The following KAZN variants were observed in gnomAD, a reference collection of about 807,000 sequenced individuals.
KAZN encodes the protein kazrin, periplakin interacting protein.
In KAZN, 40 loss-of-function variants were observed where a neutral mutation model predicts 87.4. The observed-to-expected ratio is 0.46, with a 90% CI of 0.36 to 0.60. The LOEUF is 0.60. Ranked by LOEUF, KAZN falls within the 20% of genes least tolerant of loss-of-function variation. The pLI is 0.00. For missense variants in KAZN, 898 were observed against 1,073.9 expected (o/e 0.84, Z 2.29); for synonymous variants, 466 against 458.3 (o/e 1.02, Z -0.22).
intron 5 of KAZN, among the ~76,000 whole-genome samples, chr1:15,058,106 A>G (rs1324902657): frequency 1.3e-5 from 2 of 152,182 alleles, no homozygotes; most frequent in Non-Finnish European, 2.9e-5. Context: ...CCTGCGTCAT[A>G]GCACCTCTTA....
chr1:14,670,428 G>A (rs960296955), intron 1 of KAZN, among the ~76,000 whole-genome samples: 8 of 152,208 alleles, frequency 5.3e-5, no homozygotes, highest in African/African-American at 1.9e-4. Flanking sequence ...GCTGATTTAC[G>A]TTCCTAACAC....
chr1:14,846,650 C>T (rs570285927), intron 1 of KAZN, among the ~76,000 whole-genome samples: 38 of 152,336 alleles, frequency 2.5e-4, no homozygotes, highest in African/African-American at 9.1e-4. Context: ...TCTTTTCTAT[C>T]TGTCATCTCC....
At chr1:14,479,485 T>C (rs1668951166) in intron 2 of KAZN, among the ~76,000 whole-genome samples, 1 of 152,190 alleles carries the variant, frequency 6.6e-6, no homozygotes, top group African/African-American at 2.4e-5. Context: ...CGCTCCCTGC[T>C]AGTGGTTTGC....
chr1:14,671,017 G>T (rs1378499240), intron 1 of KAZN, among the ~76,000 whole-genome samples: 1 of 152,196 alleles, frequency 6.6e-6, no homozygotes, highest in African/African-American at 2.4e-5. Context: ...AAAAACAAAA[G>T]ATTCAATCCC....
At chr1:14,725,184 C>T (rs1643318416) in intron 1 of KAZN, among the ~76,000 whole-genome samples, 1 of 152,196 alleles carries the variant, frequency 6.6e-6, no homozygotes, top group African/African-American at 2.4e-5. Flanking sequence ...CTGGGTGCCT[C>T]CTGTGTGCCA....
At chr1:14,819,205 A>C (rs1335731861) in intron 1 of KAZN, among the ~76,000 whole-genome samples, 4 of 152,214 alleles carry the variant, frequency 2.6e-5, no homozygotes. Flanking sequence ...GGACTCGTTC[A>C]ATTTACCTTA....
chr1:14,781,270 C>T (rs975070464), intron 1 of KAZN, among the ~76,000 whole-genome samples: 4 of 152,116 alleles, frequency 2.6e-5, no homozygotes, highest in African/African-American at 7.2e-5. Context: ...TGCAGTGAGC[C>T]GAGATCGCGC....
intron 2 of KAZN, among the ~76,000 whole-genome samples, chr1:14,247,339 G>T (rs1329864183): frequency 1.3e-5 from 2 of 152,144 alleles, no homozygotes; most frequent in Non-Finnish European, 2.9e-5. Flanking sequence ...AGAAGAGATG[G>T]TTACACTATT....
At chr1:14,978,581 T>A (rs1665907545) in intron 2 of KAZN, among the ~76,000 whole-genome samples, 1 of 152,150 alleles carries the variant, frequency 6.6e-6, no homozygotes, top group Non-Finnish European at 1.5e-5. Context: ...CTTAATCTGA[T>A]AGAGGTTCTT....
chr1:14,001,004 G>T (rs185076896), intron 1 of KAZN, among the ~76,000 whole-genome samples: 1 of 151,574 alleles, frequency 6.6e-6, no homozygotes, highest in Non-Finnish European at 1.5e-5. Context: ...GGATGGTCTC[G>T]ATCTCCTGAC....
At chr1:14,516,656 T>C (rs1260693553) in intron 2 of KAZN, among the ~76,000 whole-genome samples, 2 of 152,230 alleles carry the variant, frequency 1.3e-5, no homozygotes, top group African/African-American at 2.4e-5. Flanking sequence ...TTGTCTTGTA[T>C]GTTTGAAGCT....
At chr1:14,516,944 G>A (rs1471719375) in intron 2 of KAZN, among the ~76,000 whole-genome samples, 1 of 152,074 alleles carries the variant, frequency 6.6e-6, no homozygotes, top group Non-Finnish European at 1.5e-5. Flanking sequence ...TTGTAGTGGT[G>A]GTTGTTTTGC....
chr1:15,090,527 C>T (rs1045434580), intron 8 of KAZN, among the ~76,000 whole-genome samples: 2 of 152,380 alleles, frequency 1.3e-5, no homozygotes, highest in African/African-American at 4.8e-5. Context: ...GCCTGACAGC[C>T]CTGTCACCTG....
intron 1 of KAZN, among the ~76,000 whole-genome samples, chr1:14,777,231 C>T (rs972670298): frequency 1.3e-5 from 2 of 151,970 alleles, no homozygotes; most frequent in East Asian, 1.9e-4. Context: ...CTCCTGACCT[C>T]GTGATCTGCC....
intron 2 of KAZN, among the ~76,000 whole-genome samples, chr1:14,238,328 G>C (rs1648611621): frequency 6.6e-6 from 1 of 152,212 alleles, no homozygotes; most frequent in South Asian, 2.1e-4. Context: ...GGGACCAAAT[G>C]AGAAGGAAAA....
Position 14,184,323 on chromosome 1 carries a change from G to A in KAZN, c.249+3731G>A, listed in dbSNP as rs531591291. On this transcript the variant is annotated intron_variant, in intron 2 of 16. Coordinates refer to the KAZN transcript ENST00000636203. This position sits in a 1 kb window ranked among gnomAD's most constrained non-coding sequence, Gnocchi z 4.2. Reference sequence around the variant, plus strand: ...AATCTATTCCCCTCCTCCCTCCCTCGCCTTCTCTTCTTTTGGTTGGCAAAA... The same window carrying A: ...AATCTATTCCCCTCCTCCCTCCCTCACCTTCTCTTCTTTTGGTTGGCAAAA... 2.7e-5 allele frequency among the ~76,000 whole-genome samples: 4 copies of A among 149,586 alleles called. No individual in the cohort carries two copies. The highest frequency in any genetic ancestry group is 2.1e-4 in the South Asian group (1 of 4,720).
chr1:14,759,706 G>T (rs375070629), intron 1 of KAZN, among the ~76,000 whole-genome samples: 1 of 152,176 alleles, frequency 6.6e-6, no homozygotes, highest in South Asian at 2.1e-4. Flanking sequence ...CAGAGGATGC[G>T]ATCTGGAGTC....
intron 1 of KAZN, among the ~76,000 whole-genome samples, chr1:14,169,359 C>T (rs1645900745): frequency 6.6e-6 from 1 of 152,130 alleles, no homozygotes; most frequent in South Asian, 2.1e-4. Context: ...CTGTCTTTCC[C>T]ACATCCAGAC....
rs1645476917 is a variant in KAZN at position 14,151,703 on chromosome 1, G to A, written c.92-28732G>A. ...CAGAGAAAGTGGGCATATTTTTATA[G>A]CAGTTTGTGATAAATAGACAAGGTT... On this transcript the variant is annotated intron_variant, in intron 1 of 16. Transcript: ENST00000636203. 2.0e-5 allele frequency among the ~76,000 whole-genome samples: 3 copies of A among 152,324 alleles called. No individual in the cohort carries two copies. The South Asian group carries it at 6.2e-4, about 32-fold the overall frequency.
Sources: gnomAD v4.1 joint callset for allele counts (sites outside exome capture counted in the v4.1 genomes callset) on GRCh38, gnomAD v4.1.1 for gene constraint, Gnocchi (gnomAD v3.1) non-coding constraint, MANE v1.5 for transcripts, NCBI Gene and HGNC (gene_info 2026-07-23, HGNC 2026-07-21) for gene names.